F5: variants seen among roughly 807,000 people sequenced by gnomAD.
F5 encodes activated protein c cofactor.
A neutral mutation model predicts 216.4 loss-of-function variants in F5; 138 were observed. The observed-to-expected ratio is 0.64, with a 90% confidence interval of 0.56 to 0.73. The LOEUF (loss-of-function observed/expected upper bound fraction) is 0.73. Ranked by LOEUF, F5 falls within the 30% of genes least tolerant of loss-of-function variation. The probability of loss-of-function intolerance (pLI) is 0.00; values close to 1 mark genes in which losing one functional copy is unlikely to be tolerated. For missense variants in F5, 2,403 were observed against 2,674.0 expected (o/e 0.90, Z 2.24); for synonymous variants, 916 against 930.7 (o/e 0.98, Z 0.29).
intron 3 of F5, 42 bp from the exon 4 acceptor site, chr1:169,560,808 AG>A: frequency 6.3e-7 from 1 of 1,593,852 alleles, no homozygotes; most frequent in Non-Finnish European, 8.6e-7. Context: ...GCAGTTTCTG[AG>A]GATTGCGTTT....
chr1:169,553,684 T>G (rs536407735), intron 7 of F5, among the ~76,000 whole-genome samples: 1 of 152,356 alleles, frequency 6.6e-6, no homozygotes, highest in South Asian at 2.1e-4. Context: ...ATTGCGCCAC[T>G]GCACTCCAGC....
At position 169,550,736 on chromosome 1, in the gene F5, C is replaced by A; in HGVS notation, c.1300G>T (p.Val434Leu). The A allele has an allele frequency of 6.2e-7, 1 of 1,609,298 alleles. No homozygotes were observed. The highest frequency in any genetic ancestry group is 8.5e-7 in the Non-Finnish European group (1 of 1,175,742). ...GGGCGGCTGGCCATATTTTTGAACA[C>A]GATCTACAAAGTTAAATCAAATTTA... Reference protein sequence around the residue: ...RAQVRDTLKIVFKNMASRPYS... With the variant: ...RAQVRDTLKILFKNMASRPYS... The change falls in exon 9 of 25, where the codon GTG becomes TTG. Residue 434 changes from valine to leucine, a missense_variant. Physicochemically the swap from Val to Leu is conservative, Grantham distance 32. Transcript: ENST00000367797.
chr1:169,583,369 C>A (rs1661030739), intron 1 of F5, among the ~76,000 whole-genome samples: 2 of 152,164 alleles, frequency 1.3e-5, no homozygotes, highest in Non-Finnish European at 2.9e-5. Flanking sequence ...GGGACAGTGG[C>A]CCAGCCATAA....
chr1:169,576,479 GA>G lies in F5; in HGVS notation c.251-4137del, dbSNP rs1660852604. Among the ~76,000 whole-genome samples the G allele has an allele frequency of 2.0e-5, 3 of 152,266 alleles. No homozygotes were observed. The East Asian group carries it at 5.8e-4, about 29-fold the overall frequency. ...AAAGCCTGGGAGGTAGGAATCGGGGGACAAAGGTGACTTGCCCAAGGTCAGT... is the reference window on the plus strand; with the variant it reads ...AAAGCCTGGGAGGTAGGAATCGGGGGCAAAGGTGACTTGCCCAAGGTCAGT... On this transcript the variant is annotated intron_variant, in intron 2 of 24. Transcript: ENST00000367797.
At chr1:169,516,403 T>C (rs1368347044) in intron 23 of F5, among the ~76,000 whole-genome samples, 3 of 152,176 alleles carry the variant, frequency 2.0e-5, no homozygotes, top group Non-Finnish European at 2.9e-5. Context: ...CATAACCTCA[T>C]TCAATTCTAA....
At position 169,527,812 on chromosome 1, in the gene F5, C is replaced by T. The variant is rs926149648; in HGVS notation, c.5599+103G>A. 1.0e-5 allele frequency: 15 copies of T among 1,434,210 alleles called. No individual in the cohort carries two copies. In the African/African-American group the frequency reaches 1.3e-4, roughly 12 times the overall value. The allele number at this position is 1,434,210 out of a possible 1,614,324, so 88.8% of individuals were successfully genotyped here. ...TCTATGCCAGAACCCTGTGTTCTGA[C>T]CCCTTAGGAAGTATATGCACAAGGA... On this transcript the variant is annotated intron_variant, in intron 17 of 24. Coordinates refer to ENST00000367797, the MANE Select transcript of F5 (RefSeq NM_000130.5).
At chr1:169,520,772 C>T (rs939884753) in intron 21 of F5, 108 bp from the exon 22 acceptor site, 1 of 880,742 alleles carries the variant, frequency 1.1e-6, no homozygotes, top group Non-Finnish European at 1.8e-6. Context: ...TCATGGGGTC[C>T]AAACTAAATC....
At chr1:169,580,049 C>T (rs1031111914) in intron 2 of F5, among the ~76,000 whole-genome samples, 7 of 152,130 alleles carry the variant, frequency 4.6e-5, no homozygotes, top group African/African-American at 1.7e-4. Context: ...CTCTCACCTC[C>T]AAACTTTTAA....
rs777052171 is a variant in F5, at chr1:169,552,584, G to C, written c.1269C>G (p.Ile423Met). The C allele has an allele frequency of 2.5e-6, 4 of 1,613,682 alleles. No individual in the cohort carries two copies. The South Asian group carries it at 4.4e-5, about 18-fold the overall frequency. The change falls in exon 8 of 25, where the codon ATC becomes ATG. Residue 423 changes from isoleucine (I) to methionine (M), a missense_variant. By Grantham distance (10) the Ile-to-Met change is conservative (BLOSUM62 1). Coordinates refer to ENST00000367797, the MANE Select transcript of F5 (RefSeq NM_000130.5). ...TGAGTGTGTCTCTGACCTGGGCTCT[G>C]ATAATAGGACCCAAAATCCCATCTT... ...MKEDGILGPI[I>M]RAQVRDTLKI...
intron 5 of F5, 116 bp from the exon 6 acceptor site, chr1:169,556,983 C>A: frequency 1.1e-6 from 1 of 920,370 alleles, no homozygotes; most frequent in Admixed American, 2.0e-5. Flanking sequence ...TTGTATAAAG[C>A]TTTGAGGGAA....
At chr1:169,524,778 G>A (rs777783790) in intron 19 of F5, 59 bp downstream of exon 19, 3 of 1,348,412 alleles carry the variant, frequency 2.2e-6, no homozygotes, top group Non-Finnish European at 3.2e-6. Flanking sequence ...TGGTTTCATA[G>A]GCTGCATGCT....
intron 5 of F5, 137 bp downstream of exon 5, chr1:169,559,016 A>AAAAT: frequency 2.2e-6 from 2 of 922,598 alleles, no homozygotes; most frequent in South Asian, 1.5e-5. Flanking sequence ...AAAAAAAAAA[A>AAAAT]GAGAAAATAT....
rs3035292 is a variant in F5 at position 169,577,560 on chromosome 1, A to AATATATATATATATAT, written c.250+4855_250+4870dup. 3.0e-3 allele frequency among the ~76,000 whole-genome samples: 164 copies of AATATATATATATATAT among 54,402 alleles called. 1 individual carries two copies. The highest frequency in any genetic ancestry group is 3.6e-3 in the Non-Finnish European group (96 of 26,310). The allele number at this position is 54,402 out of a possible 152,430, so 35.7% of individuals were successfully genotyped here. ...TGTACCACCATGTCTGGCTAATTTA[A>AATATATATATATATAT]ATATATATATATATATATATATATA... On this transcript the variant is annotated intron_variant, in intron 2 of 24. Coordinates refer to ENST00000367797, the MANE Select transcript of F5 (RefSeq NM_000130.5).
chr1:169,584,788 G>A (rs1295410723), intron 1 of F5, among the ~76,000 whole-genome samples: 1 of 152,102 alleles, frequency 6.6e-6, no homozygotes, highest in Non-Finnish European at 1.5e-5. Flanking sequence ...AGTTTGTCTG[G>A]GTTGTGTTTC....
intron 21 of F5, among the ~76,000 whole-genome samples, chr1:169,521,154 G>C (rs2420370): frequency 0.95 from 144,925 of 152,096 alleles, 69,088 homozygotes; most frequent in East Asian, 1. Flanking sequence ...ACTGACTTCT[G>C]TCCTTTAGTC....
At chr1:169,534,387 G>C (rs1659658317) in intron 14 of F5, among the ~76,000 whole-genome samples, 1 of 152,158 alleles carries the variant, frequency 6.6e-6, no homozygotes, top group African/African-American at 2.4e-5. Flanking sequence ...AAATTGTTCA[G>C]CCGGGCGCAA....
intron 16 of F5, 47 bp downstream of exon 16, chr1:169,529,561 C>A: frequency 6.7e-7 from 1 of 1,495,984 alleles, no homozygotes; most frequent in South Asian, 1.1e-5. Context: ...TCACTGTGAC[C>A]CAGTGTGATT....
intron 13 of F5, among the ~76,000 whole-genome samples, chr1:169,536,897 T>C (rs1659717448): frequency 6.6e-6 from 1 of 152,086 alleles, no homozygotes; most frequent in African/African-American, 2.4e-5. Context: ...AGTCTTCCTA[T>C]GACCTTTTAG....
chr1:169,583,308 C>T (rs1383471985), intron 1 of F5, among the ~76,000 whole-genome samples: 1 of 152,134 alleles, frequency 6.6e-6, no homozygotes, highest in Non-Finnish European at 1.5e-5. Flanking sequence ...AAATACCTTG[C>T]AAATGTCTAA....
Sources: allele counts gnomAD v4.1 joint callset (sites outside exome capture counted in the v4.1 genomes callset), GRCh38; gene constraint gnomAD v4.1.1; transcripts MANE v1.5; gene names NCBI Gene and HGNC (gene_info 2026-07-23, HGNC 2026-07-21).